The following KCNQ5 variants were observed in gnomAD, a reference collection of about 807,000 sequenced individuals.
KCNQ5 encodes potassium voltage-gated channel subfamily Q member 5.
In KCNQ5, 30 loss-of-function variants were observed where a neutral mutation model predicts 98.2. The ratio of observed to expected loss-of-function variants is 0.31; its 90% CI spans 0.23 to 0.41. KCNQ5 has a LOEUF of 0.41. Ranked by LOEUF, KCNQ5 falls within the 10% of genes least tolerant of loss-of-function variation. The pLI, the probability that KCNQ5 is intolerant of heterozygous loss-of-function variation, is 1.00. For synonymous variants in KCNQ5, 458 were observed against 449.4 expected, an observed-to-expected ratio of 1.02 and a Z score of -0.24; for missense variants, 835 against 1,182.5, an observed-to-expected ratio of 0.71 and a Z score of 4.31.
intron 5 of KCNQ5, among the ~76,000 whole-genome samples, chr6:73,102,921 C>T (rs79154431): frequency 6.6e-6 from 1 of 152,110 alleles, no homozygotes; most frequent in African/African-American, 2.4e-5. Flanking sequence ...AAAAATAGAG[C>T]TACCATGTGA....
chr6:72,714,858 T>G (rs1193198652), intron 1 of KCNQ5, among the ~76,000 whole-genome samples: 1 of 152,184 alleles, frequency 6.6e-6, no homozygotes, highest in African/African-American at 2.4e-5. Flanking sequence ...ATAAATCTGA[T>G]GGATTTTTCT....
intron 2 of KCNQ5, among the ~76,000 whole-genome samples, chr6:73,033,563 A>G (rs116622886): frequency 0.025 from 3,731 of 152,228 alleles, 95 homozygotes; most frequent in African/African-American, 0.064. Flanking sequence ...TTCATCTATC[A>G]TATCTACCTA....
At chr6:72,949,643 ACATT>A (rs1766708909) in intron 1 of KCNQ5, among the ~76,000 whole-genome samples, 1 of 152,226 alleles carries the variant, frequency 6.6e-6, no homozygotes, top group Non-Finnish European at 1.5e-5. Context: ...ATATTTGATC[ACATT>A]CAATTTTAAC....
intron 1 of KCNQ5, among the ~76,000 whole-genome samples, chr6:72,891,728 A>G (rs534521389): frequency 6.6e-6 from 1 of 152,316 alleles, no homozygotes; most frequent in Middle Eastern, 3.4e-3. Context: ...AAAGAAATAT[A>G]TAAACATATA....
Position 73,164,728 on chromosome 6 carries a change from T to G in KCNQ5, c.1469-5018T>G, listed in dbSNP as rs562516465. On this transcript the variant is annotated intron_variant, in intron 10 of 13. Transcript: ENST00000370398. ...ACCTCAAAATTAAAGGACTCTATATTTTATGCTATTTCATTATTTGGACCT... is the reference window on the plus strand; with the variant it reads ...ACCTCAAAATTAAAGGACTCTATATGTTATGCTATTTCATTATTTGGACCT... Among the ~76,000 whole-genome samples, 21 of 148,088 alleles carry G rather than the reference T, an allele frequency of 1.4e-4. No individual in the cohort carries two copies. The South Asian group carries it at 4.4e-3, about 31-fold the overall frequency.
At chr6:73,077,741 T>C (rs1773594522) in intron 4 of KCNQ5, 21 bp from the exon 5 acceptor site, 1 of 1,588,924 alleles carries the variant, frequency 6.3e-7, no homozygotes, top group Admixed American at 1.8e-5. Flanking sequence ...TCTAAAAATC[T>C]TTCATTCCTT....
At chr6:72,907,021 A>G in intron 1 of KCNQ5, among the ~76,000 whole-genome samples, 1 of 152,358 alleles carries the variant, frequency 6.6e-6, no homozygotes, top group Middle Eastern at 3.4e-3. Context: ...CTTGTAGTCA[A>G]TGACTGTCAC....
intron 5 of KCNQ5, among the ~76,000 whole-genome samples, chr6:73,087,405 A>T (rs1012127283): frequency 6.6e-6 from 1 of 151,510 alleles, no homozygotes; most frequent in African/African-American, 2.4e-5. Flanking sequence ...GAAGGAATAT[A>T]TTTGGTAGAA....
At chr6:72,826,550 ATCT>A (rs1015245981) in intron 1 of KCNQ5, among the ~76,000 whole-genome samples, 7 of 151,380 alleles carry the variant, frequency 4.6e-5, no homozygotes, top group Admixed American at 4.6e-4. Flanking sequence ...TCCTGCTATA[ATCT>A]TCTTTTTTTT....
intron 1 of KCNQ5, among the ~76,000 whole-genome samples, chr6:72,805,545 A>C (rs936492865): frequency 6.6e-6 from 1 of 152,040 alleles, no homozygotes; most frequent in African/African-American, 2.4e-5. Context: ...TTTTTATGCC[A>C]TTACCATGCT....
At chr6:73,193,042 A>C (rs1437392794) in intron 13 of KCNQ5, among the ~76,000 whole-genome samples, 3 of 128,116 alleles carry the variant, frequency 2.3e-5, no homozygotes, top group Admixed American at 8.7e-5. Flanking sequence ...TTTTTTTGAG[A>C]CAGAGTCTCA....
At chr6:73,180,856 C>T (rs1041614422) in intron 11 of KCNQ5, among the ~76,000 whole-genome samples, 34 of 151,370 alleles carry the variant, frequency 2.2e-4, no homozygotes, top group Admixed American at 2.2e-3. Flanking sequence ...GAGCCCTCTC[C>T]GCCCTTGCAC....
chr6:72,897,187 GA>G (rs997627917), intron 1 of KCNQ5, among the ~76,000 whole-genome samples: 1 of 151,956 alleles, frequency 6.6e-6, no homozygotes, highest in Non-Finnish European at 1.5e-5. Flanking sequence ...GATAATGGGG[GA>G]AAAAATTGGA....
chr6:73,133,275 A>T, intron 9 of KCNQ5, 146 bp from the exon 10 acceptor site: 1 of 668,874 alleles, frequency 1.5e-6, no homozygotes, highest in Non-Finnish European at 2.5e-6. Context: ...ATTTTAAATA[A>T]GGGAAAAATA....
rs757962737 is a variant in KCNQ5, at chr6:73,120,583, T to A, written c.1220+6T>A. On this transcript the variant is annotated splice_donor_region_variant and intron_variant, in intron 8 of 13. Coordinates refer to ENST00000370398, the MANE Select transcript of KCNQ5 (RefSeq NM_019842.4). ...CACACCTGCAGCCCTACCAAGTAGG[T>A]ATCAGTGTGACAGCTGCCACTGTAG... 1.3e-6 allele frequency: 2 copies of A among 1,593,694 alleles called. No individual in the cohort carries two copies. Among genetic ancestry groups the A allele is most frequent in the East Asian group, 4.5e-5 (2 of 44,634 alleles).
intron 9 of KCNQ5, among the ~76,000 whole-genome samples, chr6:73,131,785 C>T (rs963652729): frequency 6.6e-6 from 1 of 152,180 alleles, no homozygotes; most frequent in Non-Finnish European, 1.5e-5. Flanking sequence ...ATGTGTCAAG[C>T]ACAGATAAAC....
chr6:72,808,564 G>T (rs1043787789), intron 1 of KCNQ5, among the ~76,000 whole-genome samples: 4 of 152,028 alleles, frequency 2.6e-5, no homozygotes, highest in Admixed American at 2.6e-4. Context: ...AAATAGAAAG[G>T]CCCTTTTTAC....
At chr6:72,775,570 C>T (rs1404756384) in intron 1 of KCNQ5, among the ~76,000 whole-genome samples, 7 of 96,442 alleles carry the variant, frequency 7.3e-5, no homozygotes, top group African/African-American at 2.8e-4. Flanking sequence ...ACAATATGGA[C>T]AGGAGGGGAG....
chr6:72,762,597 T>C (rs970954904), intron 1 of KCNQ5, among the ~76,000 whole-genome samples: 3 of 152,024 alleles, frequency 2.0e-5, no homozygotes, highest in African/African-American at 7.2e-5. Context: ...GGTGGTGTAG[T>C]ATGGCCAAAA....
Sources: gnomAD v4.1 joint callset for allele counts (sites outside exome capture counted in the v4.1 genomes callset) on GRCh38, gnomAD v4.1.1 for gene constraint, MANE v1.5 for transcripts, NCBI Gene and HGNC (gene_info 2026-07-23, HGNC 2026-07-21) for gene names.